The following CACNB2 variants were observed in gnomAD, a reference collection of about 807,000 sequenced individuals.
CACNB2 encodes the protein voltage-dependent L-type calcium channel subunit beta-2.
Under a neutral mutation model 73.3 loss-of-function variants are expected in CACNB2, and 42 were observed. The observed-to-expected ratio is 0.57, with a 90% CI of 0.45 to 0.74. The LOEUF (loss-of-function observed/expected upper bound fraction) is 0.74, where lower values mean the gene tolerates loss of function less well. Among genes scored for constraint, CACNB2 ranks in the 30% least tolerant of loss-of-function variants. The pLI is 0.00. For missense variants in CACNB2, 940 were observed against 853.0 expected (o/e 1.10, Z -1.27); for synonymous variants, 348 against 310.3 (o/e 1.12, Z -1.28).
rs2040067118 is a variant in CACNB2, at chr10:18,314,189, T to G, written c.214-87735T>G. On this transcript the variant is annotated intron_variant, in intron 2 of 13. Coordinates refer to ENST00000324631, the MANE Select transcript of CACNB2 (RefSeq NM_201596.3). ...TTCCCGATATTGTGGTTAATAGCTTTCTAGAAAAAAGAGTTGTTATAAAAC... is the reference window on the plus strand; with the variant it reads ...TTCCCGATATTGTGGTTAATAGCTTGCTAGAAAAAAGAGTTGTTATAAAAC... Among the ~76,000 whole-genome samples the G allele has an allele frequency of 3.3e-5, 5 of 152,180 alleles. No homozygotes were observed. The South Asian group carries it at 1.0e-3, about 32-fold the overall frequency.
At chr10:18,286,080 G>A (rs1408559576) in intron 2 of CACNB2, among the ~76,000 whole-genome samples, 1 of 152,136 alleles carries the variant, frequency 6.6e-6, no homozygotes, top group Non-Finnish European at 1.5e-5. Context: ...CTATTGATGG[G>A]CACAATTATA....
At position 18,498,349 on chromosome 10, in the gene CACNB2, C is replaced by T. The variant is rs2049964101; in HGVS notation, c.334-6C>T. ...ATTTTTTTCCCTCTTCCTTTTCCCA[C>T]TTTAGACAAAGCCCGTTGCATTTGC... On this transcript the variant is annotated splice_region_variant and splice_polypyrimidine_tract_variant and intron_variant, in intron 3 of 13. Transcript: ENST00000324631. The T allele has an allele frequency of 3.7e-6, 6 of 1,613,986 alleles. No individual in the cohort carries two copies. Among genetic ancestry groups the T allele is most frequent in the Admixed American group, 1.7e-5 (1 of 60,008 alleles).
intron 2 of CACNB2, among the ~76,000 whole-genome samples, chr10:18,194,812 A>T (rs1471902331): frequency 6.6e-6 from 1 of 152,164 alleles, no homozygotes; most frequent in African/African-American, 2.4e-5. Flanking sequence ...ACATTCCTAC[A>T]ATTATGTTTT....
intron 2 of CACNB2, among the ~76,000 whole-genome samples, chr10:18,352,154 G>A (rs1254865551): frequency 2.6e-5 from 4 of 152,194 alleles, no homozygotes; most frequent in East Asian, 1.9e-4. Flanking sequence ...CAGCCTCTGC[G>A]TACTTCATTC....
intron 3 of CACNB2, among the ~76,000 whole-genome samples, chr10:18,468,942 AG>A (rs1341640402): frequency 3.3e-5 from 5 of 152,334 alleles, no homozygotes; most frequent in African/African-American, 1.2e-4. Context: ...ATATACAGCC[AG>A]GTGGTTACTA....
At chr10:18,199,712 A>G (rs2034789808) in intron 2 of CACNB2, among the ~76,000 whole-genome samples, 2 of 152,236 alleles carry the variant, frequency 1.3e-5, no homozygotes, top group African/African-American at 2.4e-5. Flanking sequence ...GACGTGATAT[A>G]TACTGTAAGA....
chr10:18,275,632 A>T (rs1300444358), intron 2 of CACNB2, among the ~76,000 whole-genome samples: 1 of 152,222 alleles, frequency 6.6e-6, no homozygotes, highest in Non-Finnish European at 1.5e-5. Flanking sequence ...ATTTAAAAAA[A>T]GAAAAATAAA....
intron 3 of CACNB2, among the ~76,000 whole-genome samples, chr10:18,438,695 T>C (rs1037670423): frequency 6.6e-6 from 1 of 152,254 alleles, no homozygotes; most frequent in Non-Finnish European, 1.5e-5. Flanking sequence ...TTCGGATTTA[T>C]ATAGAACGAA....
At chr10:18,493,373 G>A (rs1033976547) in intron 3 of CACNB2, among the ~76,000 whole-genome samples, 1 of 152,074 alleles carries the variant, frequency 6.6e-6, no homozygotes, top group Admixed American at 6.6e-5. Flanking sequence ...TCTCCATGTT[G>A]GTCAGGCTGG....
At chr10:18,228,625 T>C (rs12263728) in intron 2 of CACNB2, among the ~76,000 whole-genome samples, 4,109 of 152,252 alleles carry the variant, frequency 0.027, 214 homozygotes, top group African/African-American at 0.094. Flanking sequence ...TACAAGTTAG[T>C]GTCGGTAGGA....
At chr10:18,283,235 G>A (rs1057213365) in intron 2 of CACNB2, among the ~76,000 whole-genome samples, 5 of 152,198 alleles carry the variant, frequency 3.3e-5, no homozygotes, top group African/African-American at 1.2e-4. Context: ...GTGTAAACTA[G>A]TTCAACCATT....
chr10:18,214,999 T>A (rs11013037), intron 2 of CACNB2, among the ~76,000 whole-genome samples: 2,211 of 152,320 alleles, frequency 0.015, 76 homozygotes, highest in East Asian at 0.14. Context: ...ATGGATTTAG[T>A]TTTTTAGAAA....
intron 2 of CACNB2, among the ~76,000 whole-genome samples, chr10:18,173,878 A>G (rs2033412495): frequency 6.6e-6 from 1 of 152,216 alleles, no homozygotes; most frequent in Non-Finnish European, 1.5e-5. Flanking sequence ...ACGTTTCTAT[A>G]AAAGTGCCAC....
chr10:18,399,691 T>C (rs2043892936), intron 2 of CACNB2, among the ~76,000 whole-genome samples: 1 of 152,096 alleles, frequency 6.6e-6, no homozygotes, highest in Non-Finnish European at 1.5e-5. Flanking sequence ...CTGTGGTTCT[T>C]AAGTATTCTT....
intron 1 of CACNB2, among the ~76,000 whole-genome samples, chr10:18,144,545 C>G (rs1005381244): frequency 6.6e-6 from 1 of 152,172 alleles, no homozygotes; most frequent in Admixed American, 6.5e-5. Flanking sequence ...CATGGAGGAC[C>G]CTTTCTCCAA....
chr10:18,531,587 T>G, intron 10 of CACNB2, among the ~76,000 whole-genome samples: 1 of 152,206 alleles, frequency 6.6e-6, no homozygotes, highest in South Asian at 2.1e-4. Context: ...GGAATTACCA[T>G]ACTGTCTTCC....
intron 2 of CACNB2, among the ~76,000 whole-genome samples, chr10:18,209,467 T>C (rs984792017): frequency 1.2e-4 from 18 of 152,300 alleles, no homozygotes; most frequent in Admixed American, 4.6e-4. Flanking sequence ...GCTTGCTTTT[T>C]CGTCAGCTGT....
chr10:18,270,596 T>C (rs2038010525), intron 2 of CACNB2, among the ~76,000 whole-genome samples: 1 of 152,198 alleles, frequency 6.6e-6, no homozygotes, highest in African/African-American at 2.4e-5. Context: ...TCCTTAGCCT[T>C]AATTCTCAGC....
At chr10:18,172,796 A>T (rs771059032) in intron 2 of CACNB2, among the ~76,000 whole-genome samples, 2 of 152,166 alleles carry the variant, frequency 1.3e-5, no homozygotes, top group Non-Finnish European at 2.9e-5. Context: ...TTCCCTAGTC[A>T]TTATGAACAC....
Sources: gnomAD v4.1 joint callset for allele counts (sites outside exome capture counted in the v4.1 genomes callset) on GRCh38, gnomAD v4.1.1 for gene constraint, MANE v1.5 for transcripts, NCBI Gene and HGNC (gene_info 2026-07-23, HGNC 2026-07-21) for gene names.